SLC13A1: variants seen among roughly 807,000 people sequenced by gnomAD.
SLC13A1 encodes the protein solute carrier family 13 member 1.
In SLC13A1, 65 loss-of-function variants were observed where a neutral mutation model predicts 70.0. That is an observed-to-expected ratio of 0.93 (90% CI 0.76 to 1.14). The LOEUF (loss-of-function observed/expected upper bound fraction) is 1.14. SLC13A1 is among the 50% of genes most tolerant of loss of function. The probability of loss-of-function intolerance (pLI) is 0.00; values close to 1 mark genes in which losing one functional copy is unlikely to be tolerated. For synonymous variants in SLC13A1, 275 were observed against 250.5 expected, an observed-to-expected ratio of 1.10 and a Z score of -0.92; for missense variants, 726 against 717.8, an observed-to-expected ratio of 1.01 and a Z score of -0.13.
chr7:123,147,266 C>T lies in SLC13A1; in HGVS notation c.705G>A (p.Val235=), dbSNP rs768289521. The T allele has an allele frequency of 1.2e-6, 2 of 1,613,586 alleles. No homozygotes were observed. The highest frequency in any genetic ancestry group is 1.7e-6 in the Non-Finnish European group (2 of 1,179,766). Residue 235 remains valine, a synonymous_variant, in exon 7 of 15, where the codon GTG becomes GTA. Coordinates refer to ENST00000194130, the MANE Select transcript of SLC13A1 (RefSeq NM_022444.4). ...TGCACAAACACGTAAGTTTACGTGT[C>T]ACGTGGCCCTTCTTTGTTCGATATT... ...RTKYRTKKGH[V]TRKLTCLCIA...
intron 6 of SLC13A1, 77 bp from the exon 7 acceptor site, chr7:123,147,387 C>A: frequency 1.3e-6 from 2 of 1,499,206 alleles, no homozygotes; most frequent in Non-Finnish European, 1.8e-6. Context: ...GTCCCACCAC[C>A]CGCACCAATT....
intron 1 of SLC13A1, among the ~76,000 whole-genome samples, chr7:123,192,536 AT>A (rs1282424650): frequency 6.6e-6 from 1 of 152,148 alleles, no homozygotes; most frequent in Non-Finnish European, 1.5e-5. Context: ...TTAGGGAGTA[AT>A]TTGGCTGATG....
At chr7:123,150,985 A>C (rs527537573) in intron 6 of SLC13A1, among the ~76,000 whole-genome samples, 1 of 152,118 alleles carries the variant, frequency 6.6e-6, no homozygotes, top group East Asian at 1.9e-4. Flanking sequence ...TTCTGTCTTC[A>C]GCCAGGCTCC....
intron 10 of SLC13A1, among the ~76,000 whole-genome samples, 198 bp downstream of exon 10, chr7:123,128,647 A>G (rs1473518439): frequency 6.6e-6 from 1 of 152,128 alleles, no homozygotes; most frequent in Non-Finnish European, 1.5e-5. Context: ...AGTAAGTAAT[A>G]TGGTTATTCT....
At position 123,187,454 on chromosome 7, in the gene SLC13A1, T is replaced by A. The variant is rs140180555; in HGVS notation, c.100-6353A>T. Among the ~76,000 whole-genome samples the A allele has an allele frequency of 1.7e-3, 253 of 152,320 alleles. 1 individual carries two copies. Among genetic ancestry groups the A allele is most frequent in the Middle Eastern group, 3.4e-3 (1 of 294 alleles). ...TAACAAATGTTGACACTTTGCCACATTTGCTTAAATTATTTTTAAACAAAT... is the reference window on the plus strand; with the variant it reads ...TAACAAATGTTGACACTTTGCCACAATTGCTTAAATTATTTTTAAACAAAT... On this transcript the variant is annotated intron_variant, in intron 1 of 14. Transcript: ENST00000194130.
At chr7:123,170,611 G>A (rs770669040) in intron 3 of SLC13A1, among the ~76,000 whole-genome samples, 2 of 138,586 alleles carry the variant, frequency 1.4e-5, no homozygotes, top group Admixed American at 7.0e-5. Context: ...AGATGACGTC[G>A]TTTTGGTTTT....
intron 1 of SLC13A1, among the ~76,000 whole-genome samples, chr7:123,183,245 T>G (rs976539860): frequency 3.3e-5 from 5 of 152,172 alleles, no homozygotes; most frequent in African/African-American, 1.2e-4. Context: ...CACAGTGTTA[T>G]AAGTCTATGT....
intron 7 of SLC13A1, among the ~76,000 whole-genome samples, chr7:123,143,088 T>A (rs1320610340): frequency 1.3e-5 from 2 of 152,126 alleles, no homozygotes; most frequent in Non-Finnish European, 2.9e-5. Flanking sequence ...GTATCCAAGA[T>A]GCAAGACAAA....
At chr7:123,145,368 T>C (rs1794314920) in intron 7 of SLC13A1, among the ~76,000 whole-genome samples, 1 of 152,146 alleles carries the variant, frequency 6.6e-6, no homozygotes, top group South Asian at 2.1e-4. Flanking sequence ...GTATTTACCA[T>C]ATTGCAATCT....
chr7:123,185,207 T>G (rs1412147584), intron 1 of SLC13A1, among the ~76,000 whole-genome samples: 1 of 148,322 alleles, frequency 6.7e-6, no homozygotes, highest in Non-Finnish European at 1.5e-5. Flanking sequence ...ATGAATAGTT[T>G]GCAAATATTT....
At chr7:123,175,285 AT>A (rs1434334477) in intron 2 of SLC13A1, among the ~76,000 whole-genome samples, 2 of 151,988 alleles carry the variant, frequency 1.3e-5, no homozygotes, top group African/African-American at 2.4e-5. Flanking sequence ...TGGGGTGATA[AT>A]TTTTTTTCCT....
At chr7:123,134,360 G>A in intron 8 of SLC13A1, 50 bp downstream of exon 8, 1 of 1,569,648 alleles carries the variant, frequency 6.4e-7, no homozygotes, top group Non-Finnish European at 8.7e-7. Context: ...GCTAAGAACT[G>A]GGAACCTAGA....
chr7:123,153,621 C>A (rs1054127540), intron 6 of SLC13A1, among the ~76,000 whole-genome samples: 5 of 151,946 alleles, frequency 3.3e-5, no homozygotes, highest in Admixed American at 2.0e-4. Context: ...CTGATATGAG[C>A]CACTAAATGA....
intron 4 of SLC13A1, 70 bp from the exon 5 acceptor site, chr7:123,168,631 T>G (rs751896657): frequency 2.0e-5 from 22 of 1,113,014 alleles, no homozygotes; most frequent in Non-Finnish European, 2.8e-5. Context: ...TGTGTGTGGA[T>G]GCGAAGATGG....
chr7:123,147,357 G>C, intron 6 of SLC13A1, 47 bp from the exon 7 acceptor site: 2 of 1,593,186 alleles, frequency 1.3e-6, no homozygotes, highest in East Asian at 2.3e-5. Flanking sequence ...CTCTATATTT[G>C]TTATGGACTG....
At chr7:123,119,003 C>T (rs1246997055) in intron 13 of SLC13A1, 78 bp downstream of exon 13, 3 of 1,338,132 alleles carry the variant, frequency 2.2e-6, no homozygotes, top group African/African-American at 1.5e-5. Context: ...GATTCCATAC[C>T]ACAACATGAA....
intron 2 of SLC13A1, among the ~76,000 whole-genome samples, chr7:123,177,853 T>C (rs1441342771): frequency 2.0e-5 from 3 of 152,094 alleles, no homozygotes; most frequent in Non-Finnish European, 4.4e-5. Flanking sequence ...ATATTTCTAT[T>C]TATCAGATAC....
At chr7:123,146,128 CAT>C (rs1249030236) in intron 7 of SLC13A1, among the ~76,000 whole-genome samples, 1 of 152,132 alleles carries the variant, frequency 6.6e-6, no homozygotes, top group Admixed American at 6.6e-5. Context: ...AATATTTTTA[CAT>C]AGTTTACTTC....
intron 6 of SLC13A1, among the ~76,000 whole-genome samples, chr7:123,147,766 T>C (rs1260464148): frequency 6.6e-6 from 1 of 152,192 alleles, no homozygotes; most frequent in African/African-American, 2.4e-5. Flanking sequence ...AATAGAGATG[T>C]AGCAATAAAA....
Sources: gnomAD v4.1 joint callset for allele counts (sites outside exome capture counted in the v4.1 genomes callset) on GRCh38, gnomAD v4.1.1 for gene constraint, MANE v1.5 for transcripts, NCBI Gene and HGNC (gene_info 2026-07-23, HGNC 2026-07-21) for gene names.